NHSL1: variants seen among roughly 807,000 people sequenced by gnomAD.
NHSL1 encodes NHS like 1.
In NHSL1, 48 loss-of-function variants were observed where a neutral mutation model predicts 95.0. The ratio of observed to expected loss-of-function variants is 0.51; its 90% CI spans 0.40 to 0.64. NHSL1 has a LOEUF of 0.64. Ranked by LOEUF, NHSL1 falls within the 30% of genes least tolerant of loss-of-function variation. NHSL1 has a pLI of 0.00. For missense variants in NHSL1, 1,971 were observed against 2,077.7 expected, an observed-to-expected ratio of 0.95 and a Z score of 1.00; for synonymous variants, 783 against 833.9, an observed-to-expected ratio of 0.94 and a Z score of 1.05.
chr6:138,531,660 T>C (rs1329817859), intron 1 of NHSL1, among the ~76,000 whole-genome samples: 1 of 152,008 alleles, frequency 6.6e-6, no homozygotes, highest in Non-Finnish European at 1.5e-5. Context: ...CCACCACACC[T>C]GGCTAACTTT....
At position 138,430,446 on chromosome 6, in the gene NHSL1, C is replaced by A. The variant is rs1190281376; in HGVS notation, c.3899G>T (p.Ser1300Ile). Residue 1300 changes from serine (S) to isoleucine (I), a missense_variant, in exon 6 of 8, where the codon AGT becomes ATT. Physicochemically the swap from Ser to Ile is moderately radical, Grantham distance 142. This residue lies in a region of NHSL1 where 1,602 missense variants were observed against 1,654.5 expected (regional missense o/e 0.97). Transcript: ENST00000343505. This position sits in a 1 kb window ranked among gnomAD's most constrained non-coding sequence, Gnocchi z 4.7. ...CTCCCCATCGCCCCCAGTATCCGCA[C>A]TGTTCTCGGCTGGCTCCTCCTGCTT... ...APKQEEPAEN[S>I]ADTGGDGESC... 2 of 1,539,708 alleles carry A rather than the reference C, an allele frequency of 1.3e-6. No homozygotes were observed. Among genetic ancestry groups the A allele is most frequent in the Non-Finnish European group, 1.8e-6 (2 of 1,140,202 alleles).
chr6:138,424,623 C>T lies in NHSL1; in HGVS notation c.4279G>A (p.Gly1427Ser). The change falls in exon 8 of 8, where the codon GGC becomes AGC. Residue 1427 changes from glycine to serine, a missense_variant. Physicochemically the swap from Gly to Ser is moderately conservative, Grantham distance 56. Coordinates refer to ENST00000343505, the MANE Select transcript of NHSL1 (RefSeq NM_001144060.2). The surrounding 1 kb of genome is among the most constrained non-coding windows in gnomAD (Gnocchi z 5.9). ...DNFKALLLKK[G>S]SRSDTSARMS... The stretch of plus-strand genomic sequence containing the variant: ...CGGGCGCTGGTGTCTGAACGACTGC[C>T]CTTTTTCAGCAGCAGAGCTTTGAAG... The T allele has an allele frequency of 6.4e-7, 1 of 1,551,612 alleles. No homozygotes were observed. The highest frequency in any genetic ancestry group is 8.7e-7 in the Non-Finnish European group (1 of 1,146,980).
At chr6:138,496,400 G>C in intron 1 of NHSL1, 29 bp from the exon 2 acceptor site, 1 of 1,548,796 alleles carries the variant, frequency 6.5e-7, no homozygotes, top group South Asian at 1.2e-5. Context: ...AATACATTCA[G>C]GTGTCAACTT....
Position 138,430,714 on chromosome 6 carries a change from C to A in NHSL1, c.3631G>T (p.Asp1211Tyr). Reference sequence around the variant, plus strand: ...TTCTCTGCGGGCTCCACTGCAAAATCTTTCTGCGGAGGTGGTACCACCAGG... The same window carrying A: ...TTCTCTGCGGGCTCCACTGCAAAATATTTCTGCGGAGGTGGTACCACCAGG... The part of the protein sequence containing the change: ...LFLVVPPPQK[D>Y]FAVEPAENVS... Residue 1211 changes from aspartate (D) to tyrosine (Y), a missense_variant, in exon 6 of 8, where the codon GAT (aspartate) becomes TAT (tyrosine). Coordinates refer to ENST00000343505, the MANE Select transcript of NHSL1 (RefSeq NM_001144060.2). The surrounding 1 kb of genome is among the most constrained non-coding windows in gnomAD (Gnocchi z 4.7). The A allele has an allele frequency of 6.4e-7, 1 of 1,551,758 alleles. No individual in the cohort carries two copies. The highest frequency in any genetic ancestry group is 8.7e-7 in the Non-Finnish European group (1 of 1,147,016).
At chr6:138,680,097 A>C (rs1785494483) in intron 1 of NHSL1, among the ~76,000 whole-genome samples, 1 of 152,164 alleles carries the variant, frequency 6.6e-6, no homozygotes, top group Non-Finnish European at 1.5e-5. Flanking sequence ...AAGACTGAAA[A>C]CTTGTTGATG....
At chr6:138,631,814 G>C (rs1337221233) in intron 1 of NHSL1, among the ~76,000 whole-genome samples, 1 of 152,138 alleles carries the variant, frequency 6.6e-6, no homozygotes, top group South Asian at 2.1e-4. Context: ...AAGGGGCAAG[G>C]CTCCTTCTGC....
chr6:138,612,207 G>A (rs983410954), intron 1 of NHSL1, among the ~76,000 whole-genome samples: 7 of 151,422 alleles, frequency 4.6e-5, no homozygotes, highest in Non-Finnish European at 8.8e-5. Flanking sequence ...AAATTTGGAA[G>A]TATCTATTAA....
chr6:138,522,004 C>G (rs1032066709), intron 1 of NHSL1, among the ~76,000 whole-genome samples: 6 of 152,172 alleles, frequency 3.9e-5, no homozygotes, highest in African/African-American at 1.4e-4. Flanking sequence ...ACAGAGGAAA[C>G]TGTTTCAGCT....
At chr6:138,563,845 C>T (rs1363789364) in intron 1 of NHSL1, among the ~76,000 whole-genome samples, 1 of 152,130 alleles carries the variant, frequency 6.6e-6, no homozygotes, top group Non-Finnish European at 1.5e-5. Flanking sequence ...TTACACGTGA[C>T]TCATGTTTGA....
At chr6:138,623,128 T>C (rs932828390) in intron 1 of NHSL1, among the ~76,000 whole-genome samples, 1 of 152,180 alleles carries the variant, frequency 6.6e-6, no homozygotes, top group Non-Finnish European at 1.5e-5. Context: ...TGCAAAATCA[T>C]TGCATTAATG....
In NHSL1 at chr6:138,630,427, T is replaced by A. The variant is rs186602673; in HGVS notation, c.96+62049A>T. On this transcript the variant is annotated intron_variant, in intron 1 of 3. Transcript: ENST00000491526. ...GTTTTACTGAGATGGAGTTTCGCTC[T>A]TATTGCCCAGTCTAGAGTGCCCAGC... Among the ~76,000 whole-genome samples, 9 of 152,282 alleles carry A rather than the reference T, an allele frequency of 5.9e-5. No individual in the cohort carries two copies. In the East Asian group the frequency reaches 1.7e-3, roughly 29 times the overall value.
intron 1 of NHSL1, among the ~76,000 whole-genome samples, chr6:138,629,555 G>A (rs1044074985): frequency 3.3e-5 from 5 of 152,050 alleles, no homozygotes; most frequent in Non-Finnish European, 5.9e-5. Context: ...GTTAATTTTT[G>A]TATTTTTAAT....
intron 2 of NHSL1, among the ~76,000 whole-genome samples, chr6:138,478,012 C>CTTTTTTTTTTTGTTTTTTTTT (rs1779183282): frequency 3.3e-5 from 1 of 29,996 alleles, no homozygotes; most frequent in Non-Finnish European, 5.8e-5. Context: ...ATTTATGTCA[C>CTTTTTTTTTTTGTTTTTTTTT]TTTTTTTTTT....
intron 1 of NHSL1, among the ~76,000 whole-genome samples, chr6:138,683,770 G>A (rs1785543099): frequency 6.6e-6 from 1 of 152,164 alleles, no homozygotes; most frequent in Admixed American, 6.5e-5. Context: ...TGTGAATGTG[G>A]GCAAACAAGT....
intron 1 of NHSL1, among the ~76,000 whole-genome samples, chr6:138,684,149 T>A (rs539240279): frequency 1.4e-5 from 2 of 147,460 alleles, no homozygotes; most frequent in East Asian, 4.1e-4. Context: ...GAGGCAGAGG[T>A]TGCAGTGAGC....
At chr6:138,601,065 G>A (rs1784363909) in intron 1 of NHSL1, among the ~76,000 whole-genome samples, 1 of 152,096 alleles carries the variant, frequency 6.6e-6, no homozygotes, top group African/African-American at 2.4e-5. Flanking sequence ...TACTTTTTAA[G>A]GTACTAAATG....
intron 7 of NHSL1, among the ~76,000 whole-genome samples, chr6:138,426,210 T>C (rs1260390560): frequency 6.6e-6 from 1 of 152,176 alleles, no homozygotes; most frequent in Non-Finnish European, 1.5e-5. Context: ...TGCTATAAAA[T>C]TGTAGAATAT....
intron 3 of NHSL1, among the ~76,000 whole-genome samples, chr6:138,461,198 C>G (rs762358909): frequency 2.6e-5 from 4 of 151,718 alleles, no homozygotes; most frequent in Non-Finnish European, 5.9e-5. Flanking sequence ...TGGATTTGGA[C>G]AAGTTTGAGA....
chr6:138,522,253 A>ACATGTG (rs1781714918), intron 1 of NHSL1, among the ~76,000 whole-genome samples: 1 of 152,242 alleles, frequency 6.6e-6, no homozygotes, highest in Non-Finnish European at 1.5e-5. Context: ...TGAAGTCAAG[A>ACATGTG]AAGTAACTTC....
Sources: allele counts gnomAD v4.1 joint callset (sites outside exome capture counted in the v4.1 genomes callset), GRCh38; gene constraint gnomAD v4.1.1; regional missense constraint gnomAD v4.1.1; non-coding constraint Gnocchi (gnomAD v3.1); transcripts MANE v1.5; gene names NCBI Gene and HGNC (gene_info 2026-07-23, HGNC 2026-07-21).